DCP1B: variants seen among roughly 807,000 people sequenced by gnomAD.
DCP1B encodes the protein decapping mRNA 1B.
A neutral mutation model predicts 60.5 loss-of-function variants in DCP1B; 47 were observed. The ratio of observed to expected loss-of-function variants is 0.78; its 90% confidence interval spans 0.61 to 0.99. The LOEUF is 0.99. DCP1B is among the 50% of genes least tolerant of loss of function. The pLI is 0.00. For missense variants in DCP1B, 725 were observed against 756.8 expected (o/e 0.96, Z 0.49); for synonymous variants, 267 against 280.3 (o/e 0.95, Z 0.47).
intron 3 of DCP1B, chr12:1,992,163 T>C: frequency 5.1e-6 from 1 of 195,880 alleles, no homozygotes; most frequent in South Asian, 7.1e-5. Flanking sequence ...CACAATATTT[T>C]TCTATATTGC....
At chr12:1,941,675 C>T (rs1254197692), downstream of DCP1B, among the ~76,000 whole-genome samples, 4 of 152,088 alleles carry the variant, frequency 2.6e-5, no homozygotes, top group East Asian at 1.9e-4. Flanking sequence ...GGGGTTTTTG[C>T]GTGGACGTCC....
chr12:1,984,558 C>T (rs529618344), intron 3 of DCP1B, among the ~76,000 whole-genome samples: 1 of 152,004 alleles, frequency 6.6e-6, no homozygotes, highest in African/African-American at 2.4e-5. Context: ...CATCCGTATA[C>T]ACTGAACCTC....
In DCP1B at chr12:1,971,107, G is replaced by A. The variant is rs760852173; in HGVS notation, c.320-3197C>T. On this transcript the variant is annotated intron_variant, in intron 3 of 8. Coordinates refer to ENST00000280665, the MANE Select transcript of DCP1B (RefSeq NM_152640.5). The surrounding 1 kb of genome is among the most constrained non-coding windows in gnomAD (Gnocchi z 4.2). ...AGCCTGGTACGCCTGCATACCAGCC[G>A]CTTCCCAGCCACCTGTCTGCCAACA... 5.2e-5 allele frequency: 67 copies of A among 1,289,106 alleles called. No individual in the cohort carries two copies. Among genetic ancestry groups the A allele is most frequent in the Non-Finnish European group, 6.2e-5 (61 of 988,384 alleles). 79.9% of individuals were successfully genotyped at this position (1,289,106 alleles called of 1,614,324 possible).
Position 1,972,812 on chromosome 12 carries a change from G to C in DCP1B, c.320-4902C>G, listed in dbSNP as rs575376862. Among the ~76,000 whole-genome samples the C allele has an allele frequency of 2.0e-5, 3 of 152,186 alleles. No homozygotes were observed. The South Asian group carries it at 6.2e-4, about 32-fold the overall frequency. On this transcript the variant is annotated intron_variant, in intron 3 of 8. Coordinates refer to ENST00000280665, the MANE Select transcript of DCP1B (RefSeq NM_152640.5). ...AAAAAAGAAGGATGGAATGAAGGGAGGGGGGAGATCAGTGAGGAAGGGAGG... is the reference window on the plus strand; with the variant it reads ...AAAAAAGAAGGATGGAATGAAGGGACGGGGGAGATCAGTGAGGAAGGGAGG...
At chr12:1,980,515 C>G (rs11062039) in intron 3 of DCP1B, among the ~76,000 whole-genome samples, 1,828 of 151,780 alleles carry the variant, frequency 0.012, 32 homozygotes, top group African/African-American at 0.038. Context: ...AATATGTTTT[C>G]CCAGTCTGTG....
chr12:1,976,224 T>C (rs976670498), intron 3 of DCP1B, among the ~76,000 whole-genome samples: 2 of 152,206 alleles, frequency 1.3e-5, no homozygotes, highest in Non-Finnish European at 2.9e-5. Context: ...AGTAGACGTA[T>C]AACCCTTTAT....
At chr12:1,989,726 A>T (rs2038866967) in intron 3 of DCP1B, among the ~76,000 whole-genome samples, 1 of 152,256 alleles carries the variant, frequency 6.6e-6, no homozygotes, top group Non-Finnish European at 1.5e-5. Flanking sequence ...TTGAAAAAGC[A>T]AGAAAAGAAA....
rs577849235 is a variant in DCP1B at position 2,004,204 on chromosome 12, G to A, written c.150+78C>T. 5 of 1,576,368 alleles carry A rather than the reference G, an allele frequency of 3.2e-6. No homozygotes were observed. In the Admixed American group the frequency reaches 5.3e-5, roughly 17 times the overall value. The stretch of plus-strand genomic sequence containing the variant: ...GTCAACGTCTCCTCCCCCTCACCGG[G>A]TCCTCAAGTCCTGAGTCTGACGCCC... On this transcript the variant is annotated intron_variant, in intron 1 of 8. Transcript: ENST00000280665.
rs1223931289 is a variant in DCP1B at position 1,965,564 on chromosome 12, G to T, written c.516C>A (p.Tyr172Ter). Residue 172 changes from tyrosine to a stop codon, truncating the protein, a stop_gained, in exon 5 of 9, where the codon TAC becomes TAA. Transcript: ENST00000280665. LOFTEE classifies it high-confidence loss of function. ...AGGAAGGGCAAACACTCACCTTTGT[G>T]TATTCGTCTTTGGCCTTGATGAGCA... is the stretch of plus-strand genomic sequence containing the variant. ...LRMLIKAKDEYTKCKTCSEPK... is the reference protein window; with the variant it reads ...LRMLIKAKDE 1.9e-6 allele frequency: 3 copies of T among 1,612,370 alleles called. No homozygotes were observed. In the East Asian group the frequency reaches 6.7e-5, roughly 36 times the overall value.
chr12:1,944,433 C>T (rs1023653920), downstream of DCP1B, among the ~76,000 whole-genome samples: 2 of 152,134 alleles, frequency 1.3e-5, no homozygotes, highest in Non-Finnish European at 2.9e-5. Flanking sequence ...GAAAAAACTA[C>T]TTTAAATTTC....
Position 1,959,959 on chromosome 12 carries a change from CAAA to C in DCP1B, c.523-4402_523-4400del, listed in dbSNP as rs34121456. Among the ~76,000 whole-genome samples, 376 of 125,722 alleles carry C rather than the reference CAAA, an allele frequency of 3.0e-3. 2 individuals are homozygous for C. Among genetic ancestry groups the C allele is most frequent in the African/African-American group, 0.01 (340 of 33,902 alleles). The allele number at this position is 125,722 out of a possible 152,430, so 82.5% of individuals were successfully genotyped here. A position where few individuals can be genotyped will look rare whatever the true frequency, so the allele number is the denominator to read the frequency against. On this transcript the variant is annotated intron_variant, in intron 5 of 8. Coordinates refer to ENST00000280665, the MANE Select transcript of DCP1B (RefSeq NM_152640.5). ...TGGGTGACAGAGCAAGACTCCGTCT[CAAA>C]AAAAAAAAAAAAAATTTATGTTGGC...
In DCP1B at chr12:1,946,160, G is replaced by A. The variant is rs377093600; in HGVS notation, c.*46C>T. The stretch of plus-strand genomic sequence containing the variant: ...ACTCAACATGAAAGAACCTTGTGCC[G>A]GAGTTCTAGAAGGACCTTGAAAATC... On this transcript the variant is annotated 3_prime_UTR_variant, in exon 9 of 9. Transcript: ENST00000280665. The A allele has an allele frequency of 5.7e-5, 79 of 1,395,524 alleles. No homozygotes were observed. Among genetic ancestry groups the A allele is most frequent in the Non-Finnish European group, 7.1e-5 (74 of 1,035,106 alleles). The allele number at this position is 1,395,524 out of a possible 1,614,324, so 86.4% of individuals were successfully genotyped here. A position where few individuals can be genotyped will look rare whatever the true frequency, so the allele number is the denominator to read the frequency against.
At chr12:1,979,440 T>C (rs1457843285) in intron 3 of DCP1B, among the ~76,000 whole-genome samples, 1 of 152,018 alleles carries the variant, frequency 6.6e-6, no homozygotes, top group Non-Finnish European at 1.5e-5. Flanking sequence ...GCCTCCCCAG[T>C]AGCTGGGATC....
At chr12:1,969,874 G>T (rs1200519937) in intron 3 of DCP1B, among the ~76,000 whole-genome samples, 3 of 151,966 alleles carry the variant, frequency 2.0e-5, no homozygotes, top group African/African-American at 4.8e-5. Context: ...TATTTTTTTG[G>T]TTATAGTGTA....
In DCP1B at chr12:2,004,448, A is replaced by G; in HGVS notation, c.-17T>C. The stretch of plus-strand genomic sequence containing the variant: ...GGCTGCCATCTTCCCTCCCTCCCAG[A>G]CATAGGCACGGGGCTCTTGGAAGCC... On this transcript the variant is annotated 5_prime_UTR_variant, in exon 1 of 9. Transcript: ENST00000280665. The G allele has an allele frequency of 1.3e-6, 2 of 1,599,788 alleles. No homozygotes were observed. The highest frequency in any genetic ancestry group is 1.7e-6 in the Non-Finnish European group (2 of 1,173,424).
At chr12:2,001,363 T>C (rs2042163450) in intron 1 of DCP1B, among the ~76,000 whole-genome samples, 1 of 152,196 alleles carries the variant, frequency 6.6e-6, no homozygotes, top group Admixed American at 6.5e-5. Flanking sequence ...GCTTAAATTT[T>C]AAAAGTACAA....
Position 1,955,529 on chromosome 12 carries a change from G to T in DCP1B, c.554C>A (p.Thr185Asn), listed in dbSNP as rs760139268. ...CKTCSEPKKI[T>N]SSSAIYDNPN... ...ATTGTCATAGATGGCAGAGGAACTGGTTATCTTTTTTGGCTCAGAACAGGT... is the reference window on the plus strand; with the variant it reads ...ATTGTCATAGATGGCAGAGGAACTGTTTATCTTTTTTGGCTCAGAACAGGT... Residue 185 changes from threonine (T) to asparagine (N), a missense_variant, in exon 6 of 9, where the codon ACC becomes AAC. Coordinates refer to ENST00000280665, the MANE Select transcript of DCP1B (RefSeq NM_152640.5). 326 of 1,613,612 alleles carry T rather than the reference G, an allele frequency of 2.0e-4. 1 individual carries two copies. The highest frequency in any genetic ancestry group is 2.6e-4 in the Non-Finnish European group (311 of 1,179,708).
At chr12:1,972,904 T>A (rs1399770503) in intron 3 of DCP1B, among the ~76,000 whole-genome samples, 1 of 152,034 alleles carries the variant, frequency 6.6e-6, no homozygotes, top group Non-Finnish European at 1.5e-5. Flanking sequence ...AGTGGCAGTG[T>A]TTTCACAGCA....
At chr12:1,955,697 T>G (rs1188163072) in intron 5 of DCP1B, 137 bp from the exon 6 acceptor site, 1 of 1,040,788 alleles carries the variant, frequency 9.6e-7, no homozygotes, top group Non-Finnish European at 1.3e-6. Context: ...GGAAAATCCC[T>G]TAAATTTCTC....
Sources: gnomAD v4.1 joint callset for allele counts (sites outside exome capture counted in the v4.1 genomes callset) on GRCh38, gnomAD v4.1.1 for gene constraint, Gnocchi (gnomAD v3.1) non-coding constraint, MANE v1.5 for transcripts, NCBI Gene and HGNC (gene_info 2026-07-23, HGNC 2026-07-21) for gene names.